The following HTR1F variants were observed in gnomAD, a reference collection of about 807,000 sequenced individuals.
The protein encoded by HTR1F is 5-hydroxytryptamine receptor 1F.
A neutral mutation model predicts 24.0 loss-of-function variants in HTR1F; 17 were observed. The ratio of observed to expected loss-of-function variants is 0.71; its 90% confidence interval spans 0.48 to 1.06. The LOEUF is 1.06. Ranked by LOEUF, HTR1F falls within the 50% of genes least tolerant of loss-of-function variation. HTR1F has a pLI of 0.00. For synonymous variants in HTR1F, 186 were observed against 156.8 expected (o/e 1.19, Z -1.39); for missense variants, 391 against 427.8 (o/e 0.91, Z 0.76).
At chr3:87,884,788 G>C (rs1023921375) in intron 2 of HTR1F, among the ~76,000 whole-genome samples, 24 of 152,122 alleles carry the variant, frequency 1.6e-4, no homozygotes, top group African/African-American at 5.6e-4. Flanking sequence ...AATTCAACAA[G>C]AAGAGCTAAC....
intron 2 of HTR1F, among the ~76,000 whole-genome samples, chr3:87,889,983 T>C (rs1575992967): frequency 1.3e-5 from 2 of 152,310 alleles, no homozygotes; most frequent in African/African-American, 4.8e-5. Flanking sequence ...TGGTATAAAA[T>C]TGTCAAAAGA....
At chr3:87,822,326 G>A (rs1370400456) in intron 2 of HTR1F, among the ~76,000 whole-genome samples, 1 of 152,126 alleles carries the variant, frequency 6.6e-6, no homozygotes, top group Non-Finnish European at 1.5e-5. Context: ...AGGAAGGATG[G>A]GTCCAGGAGC....
chr3:87,983,895 A>C (rs1482379169), intron 2 of HTR1F, among the ~76,000 whole-genome samples: 4 of 152,096 alleles, frequency 2.6e-5, no homozygotes, highest in African/African-American at 9.7e-5. Context: ...CAGCAGCACT[A>C]CTCTCTTCAA....
intron 2 of HTR1F, among the ~76,000 whole-genome samples, chr3:87,920,755 G>GA (rs563356490): frequency 9.4e-4 from 143 of 151,874 alleles, no homozygotes; most frequent in African/African-American, 3.2e-3. Flanking sequence ...GAGAGGAACT[G>GA]AAAAAAGAAC....
At chr3:87,815,958 G>C (rs918564060) in intron 1 of HTR1F, among the ~76,000 whole-genome samples, 1 of 151,984 alleles carries the variant, frequency 6.6e-6, no homozygotes, top group Non-Finnish European at 1.5e-5. Context: ...TTTTCATTGA[G>C]GGATAAATTA....
At chr3:87,838,155 A>G (rs1324550966) in intron 2 of HTR1F, among the ~76,000 whole-genome samples, 2 of 152,184 alleles carry the variant, frequency 1.3e-5, no homozygotes, top group Non-Finnish European at 2.9e-5. Flanking sequence ...AATTGCTAAT[A>G]GAAATTGACC....
At chr3:87,819,813 A>T (rs1454042896) in intron 1 of HTR1F, among the ~76,000 whole-genome samples, 4 of 152,074 alleles carry the variant, frequency 2.6e-5, no homozygotes, top group African/African-American at 9.7e-5. Context: ...CCAAAATGAA[A>T]CTCAATATTA....
intron 2 of HTR1F, among the ~76,000 whole-genome samples, chr3:87,854,833 A>G (rs984597558): frequency 1.3e-4 from 20 of 152,086 alleles, no homozygotes; most frequent in African/African-American, 4.6e-4. Context: ...TCGTCTTGAC[A>G]TTCATATCTA....
chr3:87,923,571 A>G (rs1358013425), intron 2 of HTR1F, among the ~76,000 whole-genome samples: 3 of 151,786 alleles, frequency 2.0e-5, no homozygotes, highest in African/African-American at 7.3e-5. Context: ...TGATTTTTGA[A>G]TGTTGATCTT....
At chr3:87,904,946 T>C (rs1233434705) in intron 2 of HTR1F, among the ~76,000 whole-genome samples, 1 of 152,058 alleles carries the variant, frequency 6.6e-6, no homozygotes, top group Non-Finnish European at 1.5e-5. Context: ...CTTTCCTTTA[T>C]AAAAATTCAC....
At chr3:87,807,738 A>T (rs1428038319) in intron 1 of HTR1F, among the ~76,000 whole-genome samples, 1 of 151,954 alleles carries the variant, frequency 6.6e-6, no homozygotes, top group Non-Finnish European at 1.5e-5. Flanking sequence ...TTCATTCAGC[A>T]TGGTGTTACC....
At chr3:87,941,710 T>C (rs1227747584) in intron 2 of HTR1F, among the ~76,000 whole-genome samples, 62 of 152,212 alleles carry the variant, frequency 4.1e-4, no homozygotes, top group Middle Eastern at 6.8e-3. Context: ...AGTCAGGATG[T>C]ACAGGGATGC....
intron 1 of HTR1F, among the ~76,000 whole-genome samples, chr3:87,798,121 ACT>A (rs1703934850): frequency 6.6e-6 from 1 of 151,672 alleles, no homozygotes; most frequent in South Asian, 2.1e-4. Context: ...TCGGATCATC[ACT>A]CTCATCAAAT....
chr3:87,963,845 T>C (rs1705112512), intron 2 of HTR1F, among the ~76,000 whole-genome samples: 1 of 152,178 alleles, frequency 6.6e-6, no homozygotes, highest in South Asian at 2.1e-4. Context: ...CCAACTGAGT[T>C]GTAAACCCTT....
At chr3:87,972,379 T>A (rs1027099138) in intron 2 of HTR1F, among the ~76,000 whole-genome samples, 1 of 152,248 alleles carries the variant, frequency 6.6e-6, no homozygotes, top group Non-Finnish European at 1.5e-5. Context: ...ACCAAATCTT[T>A]TAAATGAGTA....
At chr3:87,877,447 G>A (rs946249090) in intron 2 of HTR1F, among the ~76,000 whole-genome samples, 4 of 151,898 alleles carry the variant, frequency 2.6e-5, no homozygotes, top group Non-Finnish European at 4.4e-5. Context: ...ACTATAAATG[G>A]GGGATTACTA....
intron 2 of HTR1F, among the ~76,000 whole-genome samples, chr3:87,932,213 A>T (rs953317377): frequency 3.9e-5 from 6 of 152,104 alleles, no homozygotes; most frequent in Admixed American, 2.0e-4. Context: ...TCTTGAATTA[A>T]TTTTTGTATA....
At chr3:87,894,559 C>CTTTTT (rs35190252) in intron 2 of HTR1F, among the ~76,000 whole-genome samples, 20 of 74,660 alleles carry the variant, frequency 2.7e-4, no homozygotes, top group African/African-American at 6.7e-4. Context: ...TGCCCAGCCT[C>CTTTTT]TTTTTTTTTT....
chr3:87,876,519 A>T (rs766903179), intron 2 of HTR1F, among the ~76,000 whole-genome samples: 2 of 152,222 alleles, frequency 1.3e-5, no homozygotes, highest in Admixed American at 6.5e-5. Context: ...GAAATAAGCC[A>T]ATCACAAAAT....
Sources: gnomAD v4.1 joint callset for allele counts (sites outside exome capture counted in the v4.1 genomes callset) on GRCh38, gnomAD v4.1.1 for gene constraint, MANE v1.5 for transcripts, NCBI Gene and HGNC (gene_info 2026-07-23, HGNC 2026-07-21) for gene names.